AQR: variants seen among roughly 807,000 people sequenced by gnomAD.
AQR encodes the protein aquarius intron-binding spliceosomal factor.
A neutral mutation model predicts 180.5 loss-of-function variants in AQR; 61 were observed. That is an observed-to-expected ratio of 0.34 (90% CI 0.28 to 0.42). The LOEUF (loss-of-function observed/expected upper bound fraction) is 0.42. Ranked by LOEUF, AQR falls within the 10% of genes least tolerant of loss-of-function variation. The pLI, the probability that AQR is intolerant of heterozygous loss-of-function variation, is 1.00. For missense variants in AQR, 1,281 were observed against 1,798.3 expected, an observed-to-expected ratio of 0.71 and a Z score of 5.20; for synonymous variants, 551 against 588.8, an observed-to-expected ratio of 0.94 and a Z score of 0.93.
At chr15:34,907,689 T>G (rs1050420388) in intron 17 of AQR, among the ~76,000 whole-genome samples, 2 of 152,210 alleles carry the variant, frequency 1.3e-5, no homozygotes, top group African/African-American at 2.4e-5. Flanking sequence ...ATAAATTCTA[T>G]GCAAAGCAGC....
intron 33 of AQR, 130 bp downstream of exon 33, chr15:34,862,737 G>A: frequency 1.0e-6 from 1 of 1,002,060 alleles, no homozygotes; most frequent in Non-Finnish European, 1.4e-6. Flanking sequence ...CAGTTCCTCA[G>A]TGCAGCACAC....
In AQR at chr15:34,969,679, C is replaced by A; in HGVS notation, c.-66G>T. On this transcript the variant is annotated 5_prime_UTR_variant, in exon 1 of 35. Transcript: ENST00000156471. ...CGCTCTGGGCAGCGGCAACCCTGGT[C>A]CACTTCCCTTAAGTTACTGCCGGGG... is the stretch of plus-strand genomic sequence containing the variant. 1 of 1,531,998 alleles carries A rather than the reference C, an allele frequency of 6.5e-7. No individual in the cohort carries two copies. The highest frequency in any genetic ancestry group is 8.8e-7 in the Non-Finnish European group (1 of 1,131,330). 94.9% of individuals were successfully genotyped at this position (1,531,998 alleles called of 1,614,324 possible).
chr15:34,932,271 A>G (rs1566992008), intron 11 of AQR, 47 bp downstream of exon 11: 2 of 1,504,222 alleles, frequency 1.3e-6, no homozygotes, highest in Middle Eastern at 1.7e-4. Flanking sequence ...GAAAAGATCA[A>G]TTTAGAAAGT....
At chr15:34,906,396 G>T in intron 18 of AQR, 149 bp downstream of exon 18, 1 of 875,616 alleles carries the variant, frequency 1.1e-6, no homozygotes, top group Non-Finnish European at 1.7e-6. Context: ...TGCACGGTAG[G>T]TACCCTACAC....
chr15:34,920,527 A>AT, intron 13 of AQR, 93 bp from the exon 14 acceptor site: 1 of 902,410 alleles, frequency 1.1e-6, no homozygotes, highest in Middle Eastern at 2.5e-4. Flanking sequence ...AAAAGCAAAT[A>AT]TAATACTATG....
intron 6 of AQR, chr15:34,943,118 G>A: frequency 6.2e-7 from 1 of 1,611,822 alleles, no homozygotes; most frequent in Non-Finnish European, 8.5e-7. Flanking sequence ...CTTTCTGTAA[G>A]AAGTGTGGCA....
intron 17 of AQR, among the ~76,000 whole-genome samples, chr15:34,907,094 G>A (rs1395337876): frequency 6.6e-6 from 1 of 152,062 alleles, no homozygotes; most frequent in African/African-American, 2.4e-5. Context: ...TATTTAGCAG[G>A]TTTTTAATAT....
At chr15:34,884,238 C>A (rs1157524836) in intron 26 of AQR, among the ~76,000 whole-genome samples, 1 of 151,846 alleles carries the variant, frequency 6.6e-6, no homozygotes, top group Non-Finnish European at 1.5e-5. Flanking sequence ...GAAACCCTGT[C>A]TCTACTAAAA....
intron 18 of AQR, 95 bp from the exon 19 acceptor site, chr15:34,904,600 T>C (rs1893383381): frequency 1.7e-6 from 2 of 1,212,086 alleles, no homozygotes; most frequent in East Asian, 2.7e-5. Flanking sequence ...GGTGAGTAAA[T>C]GGTTCAGGCT....
intron 27 of AQR, among the ~76,000 whole-genome samples, chr15:34,879,990 T>G (rs1886866171): frequency 6.6e-6 from 1 of 152,148 alleles, no homozygotes; most frequent in South Asian, 2.1e-4. Context: ...TTCGTATCCC[T>G]AAGACTTATC....
intron 27 of AQR, among the ~76,000 whole-genome samples, chr15:34,881,976 T>C (rs2140466981): frequency 6.6e-6 from 1 of 152,194 alleles, no homozygotes; most frequent in Admixed American, 6.5e-5. Flanking sequence ...CAGCTAGTTT[T>C]TGTATTTTTA....
At chr15:34,948,078 C>T (rs955737085) in intron 5 of AQR, 186 bp downstream of exon 5, 50 of 534,764 alleles carry the variant, frequency 9.3e-5, no homozygotes, top group Admixed American at 2.2e-4. Context: ...ATTATTAAAT[C>T]GTTTGAAGAA....
rs1402612256 is a variant in AQR at position 34,947,506 on chromosome 15, A to AT, written c.330+757dup. On this transcript the variant is annotated intron_variant, in intron 5 of 34. Transcript: ENST00000156471. ...TGCGAGAAACACCCAAGAATGATCA[A>AT]TAAAAAAAATAATAATAATAATAAT... is the stretch of plus-strand genomic sequence containing the variant. Among the ~76,000 whole-genome samples the AT allele has an allele frequency of 1.8e-4, 26 of 143,418 alleles. No individual in the cohort carries two copies. In the East Asian group the frequency reaches 2.1e-3, roughly 12 times the overall value. 94.1% of individuals were successfully genotyped at this position (143,418 alleles called of 152,430 possible). A position where few individuals can be genotyped will look rare whatever the true frequency, so the allele number is the denominator to read the frequency against.
chr15:34,914,018 T>C (rs959871041), intron 16 of AQR, among the ~76,000 whole-genome samples: 2 of 152,234 alleles, frequency 1.3e-5, no homozygotes, highest in African/African-American at 4.8e-5. Context: ...TAGATCATAA[T>C]CACAGTGTCT....
At chr15:34,963,808 C>T (rs1412062430) in intron 2 of AQR, among the ~76,000 whole-genome samples, 3 of 150,884 alleles carry the variant, frequency 2.0e-5, no homozygotes, top group Non-Finnish European at 2.9e-5. Context: ...GGACTACAGG[C>T]GCCCACCACC....
intron 4 of AQR, 72 bp downstream of exon 4, chr15:34,952,813 A>AAG (rs1894252985): frequency 3.7e-6 from 4 of 1,085,840 alleles, no homozygotes; most frequent in Non-Finnish European, 4.0e-6. Context: ...GACTCACAGA[A>AAG]ATAACACAGA....
At chr15:34,895,187 AATATATATAT>A (rs1180797707) in intron 22 of AQR, among the ~76,000 whole-genome samples, 43 of 12,952 alleles carry the variant, frequency 3.3e-3, no homozygotes, top group South Asian at 5.4e-3. Flanking sequence ...AAAAAAAAAA[AATATATATAT>A]ATATATATAT....
At chr15:34,906,928 T>A (rs139568027) in intron 17 of AQR, among the ~76,000 whole-genome samples, 4 of 152,206 alleles carry the variant, frequency 2.6e-5, no homozygotes, top group Non-Finnish European at 5.9e-5. Flanking sequence ...AACTTCTTTA[T>A]ATTAAAATTA....
rs1206746724 is a variant in AQR at position 34,910,740 on chromosome 15, TGTTTTA to T, written c.1485-433_1485-428del. Among the ~76,000 whole-genome samples the T allele has an allele frequency of 2.6e-5, 4 of 152,264 alleles. No homozygotes were observed. The East Asian group carries it at 7.7e-4, about 29-fold the overall frequency. ...TATATAGTTAAGGAATACAATGTGATGTTTTAAACTATGTATACACTGTGATATCAT... is the reference window on the plus strand; with the variant it reads ...TATATAGTTAAGGAATACAATGTGATAACTATGTATACACTGTGATATCAT... On this transcript the variant is annotated intron_variant, in intron 16 of 34. Coordinates refer to ENST00000156471, the MANE Select transcript of AQR (RefSeq NM_014691.3).
Sources: allele counts gnomAD v4.1 joint callset (sites outside exome capture counted in the v4.1 genomes callset), GRCh38; gene constraint gnomAD v4.1.1; transcripts MANE v1.5; gene names NCBI Gene and HGNC (gene_info 2026-07-23, HGNC 2026-07-21).